MANEA: variants seen among roughly 807,000 people sequenced by gnomAD.
The protein encoded by MANEA is mannosidase endo-alpha, also known as glycoprotein endo-alpha-1,2-mannosidase.
In MANEA, 25 loss-of-function variants were observed where a neutral mutation model predicts 36.8. The ratio of observed to expected loss-of-function variants is 0.68; its 90% CI spans 0.50 to 0.95. MANEA has a LOEUF of 0.95. MANEA is among the 40% of genes least tolerant of loss of function. MANEA has a pLI of 0.00. For synonymous variants in MANEA, 198 were observed against 188.5 expected, an observed-to-expected ratio of 1.05 and a Z score of -0.41; for missense variants, 565 against 558.8, an observed-to-expected ratio of 1.01 and a Z score of -0.11.
rs555951156 is a variant in MANEA at position 95,597,283 on chromosome 6, T to C, written c.654+437T>C. Among the ~76,000 whole-genome samples the C allele has an allele frequency of 7.9e-5, 12 of 152,188 alleles. No homozygotes were observed. In the South Asian group the frequency reaches 2.3e-3, roughly 29 times the overall value. On this transcript the variant is annotated intron_variant, in intron 3 of 4. Transcript: ENST00000358812. ...ATGTGCATACACATACACACCTGAG[T>C]AAATATAGAATACAGCAGAAAGATC...
chr6:95,602,149 GT>G (rs1413720745), intron 3 of MANEA, among the ~76,000 whole-genome samples: 1 of 152,138 alleles, frequency 6.6e-6, no homozygotes, highest in Non-Finnish European at 1.5e-5. Flanking sequence ...TTTAACTGTT[GT>G]TTGTTTTTGC....
rs1029339264 is a variant in MANEA, at chr6:95,607,825, G to C, written c.*1420G>C. The stretch of plus-strand genomic sequence containing the variant: ...TTTCTTAGGTGTTCCATTAAGAAGA[G>C]CAATAGAATAATGCTAAAAAATAAT... On this transcript the variant is annotated 3_prime_UTR_variant, in exon 5 of 5. Transcript: ENST00000358812. The C allele has an allele frequency of 4.0e-5, 6 of 151,480 alleles. No homozygotes were observed. The highest frequency in any genetic ancestry group is 1.5e-4 in the African/African-American group (6 of 41,356). 9.4% of individuals were successfully genotyped at this position (151,480 alleles called of 1,614,324 possible).
Position 95,586,517 on chromosome 6 carries a change from A to T in MANEA, c.78A>T (p.Leu26Phe), listed in dbSNP as rs764868562. Residue 26 changes from leucine (L) to phenylalanine (F), a missense_variant, in exon 2 of 5, where the codon TTA (leucine) becomes TTT (phenylalanine). By Grantham distance (22) the Leu-to-Phe change is conservative. Transcript: ENST00000358812. ...TTATTTTCTCTCTGATGATGGGTTTAAAAATGCTGAGACCAAATACAGCTA... is the reference window on the plus strand; with the variant it reads ...TTATTTTCTCTCTGATGATGGGTTTTAAAATGCTGAGACCAAATACAGCTA... The part of the protein sequence containing the change: ...ILFIFSLMMG[L>F]KMLRPNTATF... 33 of 1,613,802 alleles carry T rather than the reference A, an allele frequency of 2.0e-5. No individual in the cohort carries two copies. Among genetic ancestry groups the T allele is most frequent in the South Asian group, 8.8e-5 (8 of 91,078 alleles).
chr6:95,595,308 G>A (rs1353931608), intron 2 of MANEA, among the ~76,000 whole-genome samples: 1 of 152,002 alleles, frequency 6.6e-6, no homozygotes, highest in Non-Finnish European at 1.5e-5. Context: ...ATAAAATGTT[G>A]GATTGTCTCC....
intron 3 of MANEA, among the ~76,000 whole-genome samples, chr6:95,599,416 CAAAA>C (rs11294845): frequency 7.5e-6 from 1 of 134,180 alleles, no homozygotes; most frequent in Non-Finnish European, 1.6e-5. Flanking sequence ...GAGTCTATCT[CAAAA>C]AAAAAAAAAA....
chr6:95,601,073 A>T (rs1769581830), intron 3 of MANEA, among the ~76,000 whole-genome samples: 1 of 152,202 alleles, frequency 6.6e-6, no homozygotes, highest in Non-Finnish European at 1.5e-5. Context: ...AATGAGTGAA[A>T]CTAAAATTTA....
chr6:95,587,005 A>ATGTATG (rs1554209387), intron 2 of MANEA, 22 bp downstream of exon 2: 40 of 1,337,168 alleles, frequency 3.0e-5, no homozygotes, highest in Non-Finnish European at 3.9e-5. Flanking sequence ...ATATATATAT[A>ATGTATG]TGTGTGTTTG....
intron 2 of MANEA, among the ~76,000 whole-genome samples, chr6:95,589,137 GAAAT>G (rs1360120758): frequency 2.7e-4 from 7 of 25,468 alleles, no homozygotes; most frequent in Admixed American, 1.8e-3. Flanking sequence ...TATAAATAAA[GAAAT>G]AATTTCTTAA....
chr6:95,587,466 C>G (rs1394245594), intron 2 of MANEA: 3 of 157,672 alleles, frequency 1.9e-5, no homozygotes, highest in African/African-American at 7.3e-5. Context: ...TGATTTCTAT[C>G]AGATCTGATT....
rs758056486 is a variant in MANEA at position 95,586,482 on chromosome 6, T to C, written c.43T>C (p.Phe15Leu). ...RRRTCIILAL[F>L]ILFIFSLMMG... Reference sequence around the variant, plus strand: ...AAGGACTTGCATCATTTTGGCACTTTTTATTCTATTTATTTTCTCTCTGAT... The same window carrying C: ...AAGGACTTGCATCATTTTGGCACTTCTTATTCTATTTATTTTCTCTCTGAT... The change falls in exon 2 of 5, where the codon TTT becomes CTT. Residue 15 changes from phenylalanine (F) to leucine (L), a missense_variant. Coordinates refer to ENST00000358812, the MANE Select transcript of MANEA (RefSeq NM_024641.4). 12 of 1,612,774 alleles carry C rather than the reference T, an allele frequency of 7.4e-6. No homozygotes were observed. In the Admixed American group the frequency reaches 1.3e-4, roughly 18 times the overall value.
At chr6:95,586,324 A>G in intron 1 of MANEA, 78 bp from the exon 2 acceptor site, 1 of 796,946 alleles carries the variant, frequency 1.3e-6, no homozygotes. Context: ...AAATTTATGG[A>G]TTTTAGTTTT....
At chr6:95,582,173 C>CT (rs67978183) in intron 1 of MANEA, among the ~76,000 whole-genome samples, 5,525 of 79,432 alleles carry the variant, frequency 0.07, 1,089 homozygotes, top group Non-Finnish European at 0.1. Context: ...GTTGTATCAT[C>CT]TTTTTTTTTT....
chr6:95,605,658 A>T, intron 4 of MANEA, 90 bp from the exon 5 acceptor site: 1 of 880,430 alleles, frequency 1.1e-6, no homozygotes, highest in Non-Finnish European at 1.8e-6. Flanking sequence ...CTCAAACTGC[A>T]CTGACTCCTT....
At chr6:95,594,781 A>G (rs969094560) in intron 2 of MANEA, among the ~76,000 whole-genome samples, 1 of 152,212 alleles carries the variant, frequency 6.6e-6, no homozygotes, top group African/African-American at 2.4e-5. Context: ...AGAGGATTGT[A>G]CAAGCATTGT....
In MANEA at chr6:95,582,633, A is replaced by G. The variant is rs867168128; in HGVS notation, c.-38-3769A>G. Among the ~76,000 whole-genome samples, 112 of 152,206 alleles carry G rather than the reference A, an allele frequency of 7.4e-4. 1 individual carries two copies. The highest frequency in any genetic ancestry group is 2.4e-3 in the African/African-American group (98 of 41,540). ...GTATGTTAACAGCTCACATTCTTCT[A>G]TTTACTGCTGGGATAAATAGCACAA... On this transcript the variant is annotated intron_variant, in intron 1 of 4. Coordinates refer to ENST00000358812, the MANE Select transcript of MANEA (RefSeq NM_024641.4).
At chr6:95,595,207 A>T (rs1434345526) in intron 2 of MANEA, among the ~76,000 whole-genome samples, 23 of 152,014 alleles carry the variant, frequency 1.5e-4, no homozygotes, top group Admixed American at 1.5e-3. Flanking sequence ...TCCCATGTTG[A>T]GAAAACTTTT....
At chr6:95,601,409 T>G (rs948744400) in intron 3 of MANEA, among the ~76,000 whole-genome samples, 3 of 152,208 alleles carry the variant, frequency 2.0e-5, no homozygotes, top group African/African-American at 7.2e-5. Flanking sequence ...TATGGCTTGC[T>G]TTGGCTGATG....
chr6:95,595,796 T>G (rs759506455), intron 2 of MANEA, among the ~76,000 whole-genome samples: 1 of 152,112 alleles, frequency 6.6e-6, no homozygotes. Flanking sequence ...ACATAATTTA[T>G]CAGTTCAAAA....
In MANEA at chr6:95,606,289, C is replaced by G; in HGVS notation, c.1273C>G (p.Leu425Val). Reference protein sequence around the residue: ...VPKRTSNTVYLDYRPHKPGLY... With the variant: ...VPKRTSNTVYVDYRPHKPGLY... ...CAAAAGAACCAGTAATACAGTGTAC[C>G]TAGATTACCGTCCTCATAAACCAGG... Residue 425 changes from leucine (L) to valine (V), a missense_variant, in exon 5 of 5, where the codon CTA (leucine) becomes GTA (valine). Transcript: ENST00000358812. The G allele has an allele frequency of 1.6e-5, 26 of 1,613,114 alleles. No individual in the cohort carries two copies. Among genetic ancestry groups the G allele is most frequent in the Non-Finnish European group, 2.2e-5 (26 of 1,179,924 alleles).
Sources: gnomAD v4.1 joint callset for allele counts (sites outside exome capture counted in the v4.1 genomes callset) on GRCh38, gnomAD v4.1.1 for gene constraint, MANE v1.5 for transcripts, NCBI Gene and HGNC (gene_info 2026-07-23, HGNC 2026-07-21) for gene names.